The following ZDHHC20 variants were observed in gnomAD, a reference collection of about 807,000 sequenced individuals.
The protein encoded by ZDHHC20 is zDHHC palmitoyltransferase 20, also known as palmitoyltransferase ZDHHC20.
Under a neutral mutation model 57.8 loss-of-function variants are expected in ZDHHC20, and 43 were observed. The ratio of observed to expected loss-of-function variants is 0.74; its 90% CI spans 0.58 to 0.96. The LOEUF (loss-of-function observed/expected upper bound fraction) is 0.96, where lower values mean the gene tolerates loss of function less well. Ranked by LOEUF, ZDHHC20 falls within the 40% of genes least tolerant of loss-of-function variation. ZDHHC20 has a pLI of 0.00. For synonymous variants in ZDHHC20, 157 were observed against 153.0 expected (o/e 1.03, Z -0.19); for missense variants, 391 against 441.1 (o/e 0.89, Z 1.02).
chr13:21,423,436 G>A (rs1204978778), intron 2 of ZDHHC20, among the ~76,000 whole-genome samples: 1 of 152,144 alleles, frequency 6.6e-6, no homozygotes, highest in African/African-American at 2.4e-5. Context: ...AGCACTTTGG[G>A]AGGCTGGGGC....
chr13:21,378,904 G>A (rs777438564), intron 11 of ZDHHC20, among the ~76,000 whole-genome samples, 166 bp from the exon 12 acceptor site: 3 of 152,060 alleles, frequency 2.0e-5, no homozygotes, highest in Non-Finnish European at 4.4e-5. Flanking sequence ...AGTAAGTAAA[G>A]AGCTAACATT....
intron 1 of ZDHHC20, among the ~76,000 whole-genome samples, chr13:21,443,917 G>T (rs1231477378): frequency 6.6e-6 from 1 of 152,140 alleles, no homozygotes; most frequent in Non-Finnish European, 1.5e-5. Flanking sequence ...AATTCCTGCA[G>T]TTAGGGAGGC....
intron 1 of ZDHHC20, among the ~76,000 whole-genome samples, chr13:21,435,521 G>A (rs1882452892): frequency 1.3e-5 from 2 of 152,102 alleles, no homozygotes; most frequent in Admixed American, 1.3e-4. Flanking sequence ...GGGACAAATT[G>A]AACAATAAAA....
intron 1 of ZDHHC20, among the ~76,000 whole-genome samples, chr13:21,441,871 T>C (rs1326285928): frequency 1.3e-5 from 2 of 152,154 alleles, no homozygotes; most frequent in African/African-American, 2.4e-5. Flanking sequence ...ACAGAAATAG[T>C]TTTCCCTCTT....
chr13:21,409,000 T>G (rs1222998725), intron 4 of ZDHHC20, among the ~76,000 whole-genome samples: 1 of 152,222 alleles, frequency 6.6e-6, no homozygotes. Flanking sequence ...TGCTGCTGGA[T>G]TCAGTCTGCC....
intron 1 of ZDHHC20, among the ~76,000 whole-genome samples, chr13:21,454,626 A>C (rs998105796): frequency 2.0e-5 from 3 of 152,248 alleles, no homozygotes; most frequent in Non-Finnish European, 4.4e-5. Flanking sequence ...TAAAGATCAG[A>C]CAGGAAAACA....
At chr13:21,383,128 T>G in intron 9 of ZDHHC20, 119 bp from the exon 10 acceptor site, 1 of 929,944 alleles carries the variant, frequency 1.1e-6, no homozygotes, top group African/African-American at 1.6e-5. Flanking sequence ...TATAAGGAAG[T>G]AACTCCTAAA....
chr13:21,389,539 T>C (rs1342785205), intron 8 of ZDHHC20, among the ~76,000 whole-genome samples: 1 of 152,246 alleles, frequency 6.6e-6, no homozygotes, highest in Admixed American at 6.5e-5. Flanking sequence ...AGTCATGATA[T>C]GAAATGCTGC....
chr13:21,440,650 A>G (rs372207285), intron 1 of ZDHHC20, among the ~76,000 whole-genome samples: 44 of 107,068 alleles, frequency 4.1e-4, no homozygotes, highest in East Asian at 1.8e-3. Flanking sequence ...GTGTGTGTGT[A>G]TATATATATA....
At chr13:21,396,943 G>C (rs1031394771) in intron 7 of ZDHHC20, among the ~76,000 whole-genome samples, 2 of 152,188 alleles carry the variant, frequency 1.3e-5, no homozygotes, top group East Asian at 3.8e-4. Flanking sequence ...TTCTGGTTAG[G>C]AGTCCTTTGT....
intron 7 of ZDHHC20, among the ~76,000 whole-genome samples, chr13:21,396,032 A>G (rs1053256919): frequency 6.6e-6 from 1 of 152,144 alleles, no homozygotes; most frequent in Admixed American, 6.5e-5. Flanking sequence ...TCATCCCAGG[A>G]CCAGGTACAA....
At chr13:21,421,773 A>G (rs1445760471) in intron 2 of ZDHHC20, among the ~76,000 whole-genome samples, 1 of 152,156 alleles carries the variant, frequency 6.6e-6, no homozygotes, top group African/African-American at 2.4e-5. Flanking sequence ...TGTATTCTAT[A>G]TATTTGAAAG....
At chr13:21,417,639 A>G (rs1402250826) in intron 3 of ZDHHC20, among the ~76,000 whole-genome samples, 1 of 152,072 alleles carries the variant, frequency 6.6e-6, no homozygotes. Context: ...GGGTTTCACC[A>G]TGTTGGTCAG....
At chr13:21,417,210 G>A (rs1362638547) in intron 3 of ZDHHC20, among the ~76,000 whole-genome samples, 4 of 152,008 alleles carry the variant, frequency 2.6e-5, no homozygotes, top group Admixed American at 6.6e-5. Context: ...CTTTCTCCCC[G>A]AAAGTAGCTT....
chr13:21,380,411 G>C (rs1350439195), intron 11 of ZDHHC20, among the ~76,000 whole-genome samples: 1 of 151,936 alleles, frequency 6.6e-6, no homozygotes, highest in Non-Finnish European at 1.5e-5. Context: ...ACCGTTCCTG[G>C]CCAGTGTGCT....
At position 21,377,412 on chromosome 13, in the gene ZDHHC20, G is replaced by A. The variant is rs113346744; in HGVS notation, c.*41-757C>T. Reference sequence around the variant, plus strand: ...TGCCTGTGATCTGACTCTGCCCGACGTGACCTCCACCCCTAGTGCCTGTGA... The same window carrying A: ...TGCCTGTGATCTGACTCTGCCCGACATGACCTCCACCCCTAGTGCCTGTGA... On this transcript the variant is annotated intron_variant, in intron 12 of 12. Transcript: ENST00000400590. Among the ~76,000 whole-genome samples, 243 of 56,854 alleles carry A rather than the reference G, an allele frequency of 4.3e-3. 1 individual carries two copies. The highest frequency in any genetic ancestry group is 0.031 in the Middle Eastern group (3 of 98). 37.3% of individuals were successfully genotyped at this position (56,854 alleles called of 152,430 possible).
chr13:21,425,896 T>C (rs1881190488), intron 1 of ZDHHC20, among the ~76,000 whole-genome samples: 1 of 152,204 alleles, frequency 6.6e-6, no homozygotes, highest in Non-Finnish European at 1.5e-5. Context: ...ACAGTCACAC[T>C]AAATGTTTTC....
chr13:21,407,216 G>A (rs866371416), intron 4 of ZDHHC20, among the ~76,000 whole-genome samples: 10 of 151,998 alleles, frequency 6.6e-5, no homozygotes, highest in African/African-American at 2.2e-4. Flanking sequence ...GGCTGGTCTC[G>A]AACTCCTGAC....
In ZDHHC20 at chr13:21,374,119, A is replaced by G. The variant is rs1871629116; in HGVS notation, c.*2577T>C. The G allele has an allele frequency of 6.2e-6, 1 of 160,276 alleles. No homozygotes were observed. The highest frequency in any genetic ancestry group is 2.4e-5 in the African/African-American group (1 of 41,844). The allele number at this position is 160,276 out of a possible 1,614,324, so 9.9% of individuals were successfully genotyped here. ...CTTTTTATCTGAATGTAGAAATGCA[A>G]AAAGTACCAGGAGAACATTTCTGAA... On this transcript the variant is annotated 3_prime_UTR_variant, in exon 13 of 13. Coordinates refer to ENST00000400590, the MANE Select transcript of ZDHHC20 (RefSeq NM_001330059.2).
Sources: allele counts gnomAD v4.1 joint callset (sites outside exome capture counted in the v4.1 genomes callset), GRCh38; gene constraint gnomAD v4.1.1; transcripts MANE v1.5; gene names NCBI Gene and HGNC (gene_info 2026-07-23, HGNC 2026-07-21).